SFMBT2: variants seen among roughly 807,000 people sequenced by gnomAD.
SFMBT2 encodes the protein Scm like with four mbt domains 2.
A neutral mutation model predicts 110.1 loss-of-function variants in SFMBT2; 38 were observed. That is an observed-to-expected ratio of 0.35 (90% confidence interval 0.27 to 0.45). The LOEUF (loss-of-function observed/expected upper bound fraction) is 0.45, where lower values mean the gene tolerates loss of function less well. SFMBT2 is among the 20% of genes least tolerant of loss of function. The pLI, the probability that SFMBT2 is intolerant of heterozygous loss-of-function variation, is 1.00. For missense variants in SFMBT2, 1,011 were observed against 1,094.9 expected (o/e 0.92, Z 1.08); for synonymous variants, 425 against 425.4 (o/e 1.00, Z 0.01).
intron 13 of SFMBT2, chr10:7,200,925 T>G: frequency 2.5e-6 from 2 of 794,100 alleles, no homozygotes; most frequent in Non-Finnish European, 3.1e-6. Flanking sequence ...CCCGCGGGAG[T>G]CATGGCCACA....
chr10:7,236,906 C>A (rs1840275279), intron 9 of SFMBT2, among the ~76,000 whole-genome samples: 1 of 152,166 alleles, frequency 6.6e-6, no homozygotes, highest in African/African-American at 2.4e-5. Context: ...ATATAAACTA[C>A]TTCTACGATC....
At chr10:7,212,105 C>A (rs1285749812) in intron 11 of SFMBT2, among the ~76,000 whole-genome samples, 2 of 152,162 alleles carry the variant, frequency 1.3e-5, no homozygotes, top group African/African-American at 4.8e-5. Context: ...GACTTGGAGG[C>A]ACTAGGTCTG....
In SFMBT2 at chr10:7,327,114, G is replaced by A. The variant is rs150560993; in HGVS notation, c.436+40535C>T. 6.4e-5 allele frequency among the ~76,000 whole-genome samples: 9 copies of A among 141,700 alleles called. No homozygotes were observed. The East Asian group carries it at 1.7e-3, about 26-fold the overall frequency. The allele number at this position is 141,700 out of a possible 152,430, so 93.0% of individuals were successfully genotyped here. The stretch of plus-strand genomic sequence containing the variant: ...CTCTAATTTGGGCCACCAGACCACT[G>A]GGGGAAACCAGGTCTTCCTTGAAAA... On this transcript the variant is annotated intron_variant, in intron 4 of 20. Coordinates refer to ENST00000397167, the MANE Select transcript of SFMBT2 (RefSeq NM_001387889.1).
At chr10:7,335,903 C>A (rs187364308) in intron 4 of SFMBT2, among the ~76,000 whole-genome samples, 74 of 152,198 alleles carry the variant, frequency 4.9e-4, no homozygotes, top group African/African-American at 1.7e-3. Context: ...GTCACTAATA[C>A]CATATGGCAT....
At chr10:7,225,419 C>T (rs1031443189) in intron 10 of SFMBT2, among the ~76,000 whole-genome samples, 6 of 152,172 alleles carry the variant, frequency 3.9e-5, no homozygotes, top group African/African-American at 1.2e-4. Context: ...ACTCGTAATA[C>T]GCATTCCGTT....
At chr10:7,224,576 C>T (rs1231060999) in intron 10 of SFMBT2, among the ~76,000 whole-genome samples, 8 of 152,192 alleles carry the variant, frequency 5.3e-5, no homozygotes, top group South Asian at 2.1e-4. Flanking sequence ...CTATTCCCTT[C>T]GTCCAGTCTC....
chr10:7,168,464 G>A (rs1035586944), intron 20 of SFMBT2, among the ~76,000 whole-genome samples: 8 of 152,182 alleles, frequency 5.3e-5, no homozygotes, highest in African/African-American at 1.9e-4. Flanking sequence ...GCCACACCTT[G>A]TATCTTTAGC....
At position 7,271,174 on chromosome 10, in the gene SFMBT2, G is replaced by A. The variant is rs1841566417; in HGVS notation, c.870+5718C>T. Among the ~76,000 whole-genome samples, 3 of 150,702 alleles carry A rather than the reference G, an allele frequency of 2.0e-5. 1 individual carries two copies. In the Admixed American group the frequency reaches 2.0e-4, roughly 10 times the overall value. On this transcript the variant is annotated intron_variant, in intron 7 of 20. Transcript: ENST00000397167. ...CTGGTGGTGCATGCCTGTAATCCCA[G>A]CTACTTGAGAGGCTGAGGCAGGAGA...
chr10:7,183,635 CG>C (rs1437786571), intron 16 of SFMBT2, among the ~76,000 whole-genome samples: 3 of 152,126 alleles, frequency 2.0e-5, no homozygotes, highest in Admixed American at 6.5e-5. Context: ...AGGAGAGAGA[CG>C]TAAGAGTAAA....
intron 16 of SFMBT2, among the ~76,000 whole-genome samples, chr10:7,188,412 T>A (rs1355603916): frequency 6.6e-6 from 1 of 152,170 alleles, no homozygotes; most frequent in African/African-American, 2.4e-5. Flanking sequence ...GTTAAGGAAA[T>A]CTCTACTTCA....
intron 4 of SFMBT2, among the ~76,000 whole-genome samples, chr10:7,310,426 G>A (rs924296323): frequency 6.6e-6 from 1 of 152,208 alleles, no homozygotes; most frequent in Non-Finnish European, 1.5e-5. Flanking sequence ...GCTGAAAGGT[G>A]AACTTTGTTT....
chr10:7,314,649 TATAATCCCA>T (rs1426375391), intron 4 of SFMBT2, among the ~76,000 whole-genome samples: 1 of 152,166 alleles, frequency 6.6e-6, no homozygotes, highest in Non-Finnish European at 1.5e-5. Flanking sequence ...GGCTCACACC[TATAATCCCA>T]GCACTTTGGG....
intron 16 of SFMBT2, among the ~76,000 whole-genome samples, chr10:7,186,437 C>T (rs1190413011): frequency 2.2e-5 from 3 of 138,282 alleles, no homozygotes; most frequent in East Asian, 1.9e-4. Flanking sequence ...CACACACACA[C>T]ACACACACAC....
chr10:7,299,429 A>G (rs1842496034), intron 4 of SFMBT2, among the ~76,000 whole-genome samples: 1 of 152,252 alleles, frequency 6.6e-6, no homozygotes, highest in Non-Finnish European at 1.5e-5. Context: ...AAAGGATATG[A>G]ACAGACACTT....
chr10:7,312,923 T>A (rs1348560748), intron 4 of SFMBT2, among the ~76,000 whole-genome samples: 2 of 152,204 alleles, frequency 1.3e-5, no homozygotes, highest in African/African-American at 4.8e-5. Context: ...GGATTGGGGA[T>A]GCTTCCAGGT....
chr10:7,316,225 G>A (rs147839127), intron 4 of SFMBT2, among the ~76,000 whole-genome samples: 149 of 152,302 alleles, frequency 9.8e-4, no homozygotes, highest in South Asian at 2.9e-3. Context: ...TTACAGCTGG[G>A]CTAGGGCAGT....
At chr10:7,253,030 C>T (rs993697217) in intron 7 of SFMBT2, among the ~76,000 whole-genome samples, 5 of 152,192 alleles carry the variant, frequency 3.3e-5, no homozygotes, top group African/African-American at 1.2e-4. Context: ...CATAATGAAA[C>T]TCCCATGAAC....
intron 4 of SFMBT2, among the ~76,000 whole-genome samples, chr10:7,364,014 T>G (rs546536789): frequency 6.6e-6 from 1 of 152,244 alleles, no homozygotes; most frequent in Admixed American, 6.5e-5. Flanking sequence ...ATATCAGGTC[T>G]CTAAGACAGA....
Position 7,172,393 on chromosome 10 carries a change from G to A in SFMBT2, c.2151+102C>T. ...CTTCTTCAGTGTTTCTGACCATCTTGCCACAATCTCCAGGGCCACCTCTGC... is the reference window on the plus strand; with the variant it reads ...CTTCTTCAGTGTTTCTGACCATCTTACCACAATCTCCAGGGCCACCTCTGC... On this transcript the variant is annotated intron_variant, in intron 18 of 20. Transcript: ENST00000397167. The surrounding 1 kb of genome is among the most constrained non-coding windows in gnomAD (Gnocchi z 4.6). 4 of 1,572,168 alleles carry A rather than the reference G, an allele frequency of 2.5e-6. No individual in the cohort carries two copies. The highest frequency in any genetic ancestry group is 3.4e-6 in the Non-Finnish European group (4 of 1,161,204).
Sources: gnomAD v4.1 joint callset for allele counts (sites outside exome capture counted in the v4.1 genomes callset) on GRCh38, gnomAD v4.1.1 for gene constraint, Gnocchi (gnomAD v3.1) non-coding constraint, MANE v1.5 for transcripts, NCBI Gene and HGNC (gene_info 2026-07-23, HGNC 2026-07-21) for gene names.